Variants in DOCK4 observed in about 807,000 individuals in gnomAD.
DOCK4 encodes the protein dedicator of cytokinesis 4, also known as dedicator of cytokinesis protein 4.
Under a neutral mutation model 268.1 loss-of-function variants are expected in DOCK4, and 97 were observed. The observed-to-expected ratio is 0.36, with a 90% CI of 0.31 to 0.43. DOCK4 has a LOEUF of 0.43. Among genes scored for constraint, DOCK4 ranks in the 20% least tolerant of loss-of-function variants. The probability of loss-of-function intolerance (pLI) is 1.00; values close to 1 mark genes in which losing one functional copy is unlikely to be tolerated. For synonymous variants in DOCK4, 954 were observed against 887.2 expected, an observed-to-expected ratio of 1.08 and a Z score of -1.34; for missense variants, 2,145 against 2,455.7, an observed-to-expected ratio of 0.87 and a Z score of 2.67.
intron 6 of DOCK4, among the ~76,000 whole-genome samples, chr7:111,985,477 A>T (rs1346675174): frequency 6.6e-6 from 1 of 152,148 alleles, no homozygotes; most frequent in African/African-American, 2.4e-5. Flanking sequence ...TTCGTATTTT[A>T]AAAAAATCTG....
chr7:111,874,492 T>C (rs1046077933), intron 17 of DOCK4, among the ~76,000 whole-genome samples: 1 of 152,178 alleles, frequency 6.6e-6, no homozygotes, highest in Non-Finnish European at 1.5e-5. Flanking sequence ...TGATGGAGCA[T>C]GTGGAAAAGC....
chr7:111,767,670 C>G (rs934695378), intron 37 of DOCK4, among the ~76,000 whole-genome samples: 3 of 152,124 alleles, frequency 2.0e-5, no homozygotes, highest in Non-Finnish European at 2.9e-5. Context: ...ACTATATTTT[C>G]TGGTGTCATT....
Position 112,026,346 on chromosome 7 carries a change from T to C in DOCK4, c.38-22215A>G, listed in dbSNP as rs543206714. On this transcript the variant is annotated intron_variant, in intron 1 of 52. Coordinates refer to ENST00000428084, the MANE Select transcript of DOCK4 (RefSeq NM_001363540.2). ...CTAGGTTGCACGCTCCTTATGAGAA[T>C]TGAATGCCCTAATGGCTGATGATCT... Among the ~76,000 whole-genome samples the C allele has an allele frequency of 1.3e-3, 191 of 152,322 alleles. 1 individual carries two copies. The highest frequency in any genetic ancestry group is 5.0e-3 in the East Asian group (26 of 5,170).
intron 1 of DOCK4, among the ~76,000 whole-genome samples, chr7:112,112,500 C>T (rs1586846137): frequency 6.6e-6 from 1 of 151,932 alleles, no homozygotes; most frequent in African/African-American, 2.4e-5. Context: ...AAAAACTAGC[C>T]GGGTGTGGTG....
chr7:111,821,963 A>G (rs1417007161), intron 27 of DOCK4, among the ~76,000 whole-genome samples: 1 of 152,248 alleles, frequency 6.6e-6, no homozygotes, highest in Non-Finnish European at 1.5e-5. Flanking sequence ...ACACAGAAGA[A>G]TGAAAGGCTT....
intron 26 of DOCK4, among the ~76,000 whole-genome samples, chr7:111,834,114 G>T (rs1182738854): frequency 1.3e-5 from 2 of 152,166 alleles, no homozygotes; most frequent in Non-Finnish European, 2.9e-5. Flanking sequence ...GAGTAGCACA[G>T]CATATTGATT....
At chr7:112,051,960 T>G (rs1805396009) in intron 1 of DOCK4, among the ~76,000 whole-genome samples, 3 of 152,164 alleles carry the variant, frequency 2.0e-5, no homozygotes, top group African/African-American at 7.2e-5. Context: ...TCGGTATCTG[T>G]GGGGGATTGG....
At chr7:112,011,560 A>C (rs1801311380) in intron 1 of DOCK4, among the ~76,000 whole-genome samples, 1 of 152,104 alleles carries the variant, frequency 6.6e-6, no homozygotes, top group South Asian at 2.1e-4. Flanking sequence ...AAAAGAGGCA[A>C]ACAAGGAAGA....
At chr7:112,190,568 T>TGA (rs1440366496) in intron 1 of DOCK4, among the ~76,000 whole-genome samples, 4 of 151,810 alleles carry the variant, frequency 2.6e-5, no homozygotes, top group African/African-American at 9.7e-5. Flanking sequence ...GGACAGCGTA[T>TGA]GAGAGAAAGA....
chr7:111,822,345 CA>C lies in DOCK4; in HGVS notation c.2930+16del. 3 of 1,598,966 alleles carry C rather than the reference CA, an allele frequency of 1.9e-6. No homozygotes were observed. The highest frequency in any genetic ancestry group is 1.7e-6 in the Non-Finnish European group (2 of 1,168,406). ...CTATACATTGAGCTGCAATTATCAT[CA>C]ACTTAAATGTCTTACTTGTTAGCAA... On this transcript the variant is annotated intron_variant, in intron 27 of 52. Coordinates refer to ENST00000428084, the MANE Select transcript of DOCK4 (RefSeq NM_001363540.2).
chr7:111,816,755 A>G, intron 27 of DOCK4, among the ~76,000 whole-genome samples: 1 of 152,284 alleles, frequency 6.6e-6, no homozygotes, highest in African/African-American at 2.4e-5. Flanking sequence ...GCTTTGTTAT[A>G]CTTGTTTGCC....
At chr7:112,162,045 A>G (rs1044427520) in intron 1 of DOCK4, among the ~76,000 whole-genome samples, 3 of 152,234 alleles carry the variant, frequency 2.0e-5, no homozygotes, top group Non-Finnish European at 4.4e-5. Flanking sequence ...GTATGACAGT[A>G]TAAGTACAAA....
chr7:111,728,679 GTGGTAC>G lies in DOCK4; in HGVS notation c.5517_5522del (p.Glu1839_His1841delinsAsp). ...GGGAGTTGGAGATGAGTCCTGGCGA[GTGGTAC>G]TCCACTGGAGAGGGGGTGAAAGACT... is the stretch of plus-strand genomic sequence containing the variant. On this transcript the variant is annotated inframe_deletion, in exon 53 of 53. Transcript: ENST00000428084. 1 of 1,613,876 alleles carries G rather than the reference GTGGTAC, an allele frequency of 6.2e-7. No homozygotes were observed. Among genetic ancestry groups the G allele is most frequent in the Non-Finnish European group, 8.5e-7 (1 of 1,179,858 alleles).
At chr7:111,959,724 T>C (rs1379343126) in intron 8 of DOCK4, among the ~76,000 whole-genome samples, 1 of 152,222 alleles carries the variant, frequency 6.6e-6, no homozygotes, top group East Asian at 1.9e-4. Context: ...CCTTTTAAAA[T>C]TGAAAAGGCT....
chr7:112,177,897 G>A (rs1818668571), intron 1 of DOCK4, among the ~76,000 whole-genome samples: 1 of 152,178 alleles, frequency 6.6e-6, no homozygotes, highest in Non-Finnish European at 1.5e-5. Flanking sequence ...GGACACCATG[G>A]GAAATCCCAT....
intron 44 of DOCK4, 56 bp downstream of exon 44, chr7:111,746,278 G>A (rs967917333): frequency 4.2e-6 from 6 of 1,438,844 alleles, no homozygotes; most frequent in Non-Finnish European, 5.8e-6. Context: ...GGGGCTCTAG[G>A]TAAGCAAGCA....
At chr7:112,054,014 C>T (rs778837997) in intron 1 of DOCK4, among the ~76,000 whole-genome samples, 4 of 151,994 alleles carry the variant, frequency 2.6e-5, no homozygotes, top group Non-Finnish European at 5.9e-5. Context: ...AGAGCAGGGA[C>T]GAAATAACAA....
At chr7:112,026,305 T>C (rs1168463881) in intron 1 of DOCK4, among the ~76,000 whole-genome samples, 1 of 152,210 alleles carries the variant, frequency 6.6e-6, no homozygotes, top group East Asian at 1.9e-4. Context: ...TACTATGAAC[T>C]GCACATGTGA....
chr7:111,949,912 A>C (rs965945992), intron 8 of DOCK4, among the ~76,000 whole-genome samples: 1 of 152,208 alleles, frequency 6.6e-6, no homozygotes, highest in Admixed American at 6.5e-5. Context: ...CAAGTCAATA[A>C]TACTGCATTC....
Sources: allele counts gnomAD v4.1 joint callset (sites outside exome capture counted in the v4.1 genomes callset), GRCh38; gene constraint gnomAD v4.1.1; transcripts MANE v1.5; gene names NCBI Gene and HGNC (gene_info 2026-07-23, HGNC 2026-07-21).